The following PLD5 variants were observed in gnomAD, a reference collection of about 807,000 sequenced individuals.
PLD5 encodes phospholipase D family member 5.
PLD5 carries 36 observed loss-of-function variants against 61.1 expected under a neutral mutation model. The ratio of observed to expected loss-of-function variants is 0.59; its 90% CI spans 0.45 to 0.78. PLD5 has a LOEUF of 0.78. Among genes scored for constraint, PLD5 ranks in the 30% least tolerant of loss-of-function variants. PLD5 has a pLI of 0.00. For synonymous variants in PLD5, 243 were observed against 242.8 expected (o/e 1.00, Z -0.01); for missense variants, 515 against 644.4 (o/e 0.80, Z 2.17).
At chr1:242,181,594 G>A (rs1667518328) in intron 5 of PLD5, among the ~76,000 whole-genome samples, 2 of 151,914 alleles carry the variant, frequency 1.3e-5, no homozygotes, top group African/African-American at 2.4e-5. Flanking sequence ...CACTATTCTC[G>A]AAGCAGCTCC....
chr1:242,202,789 T>A (rs1020610145), intron 5 of PLD5, among the ~76,000 whole-genome samples: 1 of 152,090 alleles, frequency 6.6e-6, no homozygotes, highest in Non-Finnish European at 1.5e-5. Flanking sequence ...AGGCACTGAA[T>A]TAGCTGTGGG....
chr1:242,211,720 C>T lies in PLD5; in HGVS notation c.735+8268G>A, dbSNP rs527554564. ...TACAAAAGGATCACGATGGACCCCCCGAAAATGAAGGTGAAAAAGGAACTG... is the reference window on the plus strand; with the variant it reads ...TACAAAAGGATCACGATGGACCCCCTGAAAATGAAGGTGAAAAAGGAACTG... On this transcript the variant is annotated intron_variant, in intron 5 of 9. Transcript: ENST00000536534. Among the ~76,000 whole-genome samples the T allele has an allele frequency of 1.4e-4, 22 of 152,168 alleles. 1 individual carries two copies. Among genetic ancestry groups the T allele is most frequent in the South Asian group, 4.1e-4 (2 of 4,820 alleles).
rs889127584 is a variant in PLD5, at chr1:242,394,959, A to T, written c.190-46717T>A. 6.6e-3 allele frequency among the ~76,000 whole-genome samples: 432 copies of T among 65,196 alleles called. 4 individuals carry two copies. The highest frequency in any genetic ancestry group is 0.022 in the African/African-American group (345 of 15,618). The allele number at this position is 65,196 out of a possible 152,430, so 42.8% of individuals were successfully genotyped here. ...TATGAATATATATGATTATATATGA[A>T]TATATATGATTATATATGAATATAT... On this transcript the variant is annotated intron_variant, in intron 1 of 9. Coordinates refer to ENST00000536534, the MANE Select transcript of PLD5 (RefSeq NM_001372062.1).
At chr1:242,201,052 T>A (rs1273787771) in intron 5 of PLD5, among the ~76,000 whole-genome samples, 1 of 152,176 alleles carries the variant, frequency 6.6e-6, no homozygotes, top group Non-Finnish European at 1.5e-5. Flanking sequence ...AGTCCAAATG[T>A]GGTACATTTA....
chr1:242,291,255 T>A (rs1034582336), intron 2 of PLD5, among the ~76,000 whole-genome samples: 8 of 152,088 alleles, frequency 5.3e-5, no homozygotes, highest in African/African-American at 1.9e-4. Flanking sequence ...CTAGGCTAGA[T>A]CCCCTTAATA....
chr1:242,217,484 C>T (rs1390368667), intron 5 of PLD5, among the ~76,000 whole-genome samples: 3 of 151,490 alleles, frequency 2.0e-5, no homozygotes, highest in Non-Finnish European at 4.4e-5. Context: ...ATTAGCTGGG[C>T]GTGGTGGTAC....
intron 1 of PLD5, among the ~76,000 whole-genome samples, chr1:242,403,803 C>T (rs568490244): frequency 6.6e-6 from 1 of 152,082 alleles, no homozygotes; most frequent in Non-Finnish European, 1.5e-5. Context: ...CACAGTGGGA[C>T]CCTCAGTAAC....
chr1:242,389,715 C>T (rs916075318), intron 1 of PLD5, among the ~76,000 whole-genome samples: 1 of 151,976 alleles, frequency 6.6e-6, no homozygotes, highest in Non-Finnish European at 1.5e-5. Flanking sequence ...TCATCCACTC[C>T]AGCAGCCTCT....
chr1:242,222,114 A>G (rs1670629613), intron 4 of PLD5, among the ~76,000 whole-genome samples: 1 of 151,932 alleles, frequency 6.6e-6, no homozygotes, highest in Non-Finnish European at 1.5e-5. Flanking sequence ...CTGTTGTCCC[A>G]TGGCATCTTC....
chr1:242,416,519 AG>A (rs1215380757), intron 1 of PLD5, among the ~76,000 whole-genome samples: 53 of 152,298 alleles, frequency 3.5e-4, no homozygotes, highest in African/African-American at 1.2e-3. Flanking sequence ...TATAATCAGT[AG>A]TTTTGGAGCT....
intron 1 of PLD5, among the ~76,000 whole-genome samples, chr1:242,418,846 A>G (rs768047639): frequency 1.6e-4 from 24 of 152,364 alleles, no homozygotes; most frequent in East Asian, 3.9e-4. Context: ...AAGGGTCCAG[A>G]GAATAGGTTT....
intron 4 of PLD5, among the ~76,000 whole-genome samples, chr1:242,233,292 A>AG (rs1489465979): frequency 4.6e-5 from 7 of 152,166 alleles, no homozygotes; most frequent in African/African-American, 1.7e-4. Flanking sequence ...ACTGAGTCTC[A>AG]GGGGAAGGGA....
At chr1:242,119,258 T>C (rs1662186231) in intron 6 of PLD5, among the ~76,000 whole-genome samples, 1 of 152,170 alleles carries the variant, frequency 6.6e-6, no homozygotes, top group Admixed American at 6.6e-5. Flanking sequence ...GTTTCATGGT[T>C]TTAAAAAAGT....
intron 1 of PLD5, among the ~76,000 whole-genome samples, chr1:242,518,383 A>T (rs1167218726): frequency 6.6e-6 from 1 of 152,220 alleles, no homozygotes; most frequent in Non-Finnish European, 1.5e-5. Context: ...ATCTTAAGCA[A>T]TTGGGTAATT....
chr1:242,372,474 C>T (rs376561019), intron 1 of PLD5, among the ~76,000 whole-genome samples: 36 of 152,252 alleles, frequency 2.4e-4, no homozygotes, highest in East Asian at 9.6e-4. Context: ...AAAAAGAGCC[C>T]GCATTGCCAA....
intron 8 of PLD5, among the ~76,000 whole-genome samples, chr1:242,107,351 G>C (rs1194463841): frequency 6.6e-6 from 1 of 152,088 alleles, no homozygotes; most frequent in Non-Finnish European, 1.5e-5. Flanking sequence ...AGTCAAGGCT[G>C]CAGTGAGCCG....
At chr1:242,119,548 A>G (rs773539475) in intron 6 of PLD5, among the ~76,000 whole-genome samples, 61 of 152,224 alleles carry the variant, frequency 4.0e-4, no homozygotes, top group Non-Finnish European at 8.2e-4. Context: ...TATTTGATAG[A>G]TATTTTGTGT....
At position 242,281,219 on chromosome 1, in the gene PLD5, G is replaced by A. The variant is rs560090729; in HGVS notation, c.495+7143C>T. ...TATGAAACAAACATGGCAAGGAAAC[G>A]TTTTATAAGTTTGATGAAACAAAAG... is the stretch of plus-strand genomic sequence containing the variant. On this transcript the variant is annotated intron_variant, in intron 3 of 9. Coordinates refer to ENST00000536534, the MANE Select transcript of PLD5 (RefSeq NM_001372062.1). 2.6e-5 allele frequency among the ~76,000 whole-genome samples: 4 copies of A among 152,312 alleles called. No homozygotes were observed. The East Asian group carries it at 5.8e-4, about 22-fold the overall frequency.
chr1:242,437,686 CAA>C (rs11308782), intron 1 of PLD5, among the ~76,000 whole-genome samples: 10 of 149,624 alleles, frequency 6.7e-5, no homozygotes, highest in Non-Finnish European at 7.4e-5. Flanking sequence ...GTTTACGTCT[CAA>C]AAAAAAAAAA....
Sources: gnomAD v4.1 joint callset for allele counts (sites outside exome capture counted in the v4.1 genomes callset) on GRCh38, gnomAD v4.1.1 for gene constraint, MANE v1.5 for transcripts, NCBI Gene and HGNC (gene_info 2026-07-23, HGNC 2026-07-21) for gene names.